R3HDM1: variants seen among roughly 807,000 people sequenced by gnomAD.
R3HDM1 encodes R3H domain containing 1, also known as R3H domain-containing protein 1.
R3HDM1 carries 46 observed loss-of-function variants against 141.1 expected under a neutral mutation model. That is an observed-to-expected ratio of 0.33 (90% CI 0.26 to 0.42). The LOEUF is 0.42. Among genes scored for constraint, R3HDM1 ranks in the 10% least tolerant of loss-of-function variants. The pLI, the probability that R3HDM1 is intolerant of heterozygous loss-of-function variation, is 1.00. For synonymous variants in R3HDM1, 435 were observed against 472.9 expected (o/e 0.92, Z 1.04); for missense variants, 1,184 against 1,368.3 (o/e 0.87, Z 2.12).
intron 1 of R3HDM1, among the ~76,000 whole-genome samples, chr2:135,538,571 T>C (rs1205455751): frequency 6.6e-6 from 1 of 152,244 alleles, no homozygotes. Context: ...TTTTTCTTTA[T>C]ATCCTTGCCC....
intron 18 of R3HDM1, among the ~76,000 whole-genome samples, chr2:135,653,448 C>T (rs550348346): frequency 6.6e-6 from 1 of 150,430 alleles, no homozygotes; most frequent in Non-Finnish European, 1.5e-5. Flanking sequence ...CTATAAATTT[C>T]TTTTTTTCTT....
intron 19 of R3HDM1, among the ~76,000 whole-genome samples, chr2:135,673,234 A>T (rs146146772): frequency 1.8e-4 from 27 of 152,372 alleles, no homozygotes; most frequent in Admixed American, 3.3e-4. Flanking sequence ...GGATTCATTG[A>T]GATGAGGAGC....
chr2:135,576,859 A>G (rs1404229878), intron 1 of R3HDM1: 1 of 160,026 alleles, frequency 6.2e-6, no homozygotes, highest in African/African-American at 2.4e-5. Context: ...AGTTTGGTCT[A>G]AAGAGGGGTG....
intron 1 of R3HDM1, among the ~76,000 whole-genome samples, chr2:135,600,784 G>A (rs939461838): frequency 5.9e-5 from 9 of 152,164 alleles, no homozygotes; most frequent in African/African-American, 2.2e-4. Flanking sequence ...TACTGGTTGT[G>A]TGACTTTGAA....
chr2:135,672,065 G>C (rs1368036836), intron 19 of R3HDM1, among the ~76,000 whole-genome samples: 1 of 151,518 alleles, frequency 6.6e-6, no homozygotes, highest in African/African-American at 2.4e-5. Flanking sequence ...TGTGGCATAA[G>C]AGAATGGACA....
At chr2:135,543,637 G>A (rs1698091287) in intron 1 of R3HDM1, among the ~76,000 whole-genome samples, 1 of 152,052 alleles carries the variant, frequency 6.6e-6, no homozygotes, top group Non-Finnish European at 1.5e-5. Flanking sequence ...GATAAACATT[G>A]CAAGTTTACA....
intron 24 of R3HDM1, among the ~76,000 whole-genome samples, chr2:135,718,850 T>A (rs2076415519): frequency 1.3e-5 from 2 of 152,092 alleles, no homozygotes; most frequent in Admixed American, 1.3e-4. Context: ...AAATTCCTTA[T>A]TAAATTTAGA....
intron 21 of R3HDM1, among the ~76,000 whole-genome samples, chr2:135,685,764 A>G (rs2071223739): frequency 6.6e-6 from 1 of 152,228 alleles, no homozygotes; most frequent in Non-Finnish European, 1.5e-5. Flanking sequence ...ATTAGGTGGC[A>G]TGATATGGTT....
intron 20 of R3HDM1, among the ~76,000 whole-genome samples, chr2:135,676,546 C>G (rs1166786117): frequency 6.6e-6 from 1 of 152,136 alleles, no homozygotes; most frequent in Non-Finnish European, 1.5e-5. Flanking sequence ...TGCAGTGGCT[C>G]GTGCCTGTAA....
At chr2:135,632,606 A>G (rs1176842689) in intron 9 of R3HDM1, among the ~76,000 whole-genome samples, 2 of 152,174 alleles carry the variant, frequency 1.3e-5, no homozygotes, top group African/African-American at 4.8e-5. Flanking sequence ...TTACTTGGGA[A>G]CAGAAGACCC....
At position 135,626,209 on chromosome 2, in the gene R3HDM1, G is replaced by GTGTGTGCTTGCTTGCTTGCTTGCTTGCT. The variant is rs1553576638; in HGVS notation, c.497+3479_497+3480insTGTGCTTGCTTGCTTGCTTGCTTGCTTG. Among the ~76,000 whole-genome samples the GTGTGTGCTTGCTTGCTTGCTTGCTTGCT allele has an allele frequency of 7.8e-3, 1,118 of 143,426 alleles. 6 individuals carry two copies. The highest frequency in any genetic ancestry group is 0.018 in the South Asian group (86 of 4,666). 94.1% of individuals were successfully genotyped at this position (143,426 alleles called of 152,430 possible). On this transcript the variant is annotated intron_variant, in intron 7 of 26. Coordinates refer to ENST00000683871, the MANE Select transcript of R3HDM1 (RefSeq NM_001378107.1). ...CGTGCGTGCGTGCGTGCGTGCGTGCGTGCTTGCTTGCTTGCTTGCTTGCTT... is the reference window on the plus strand; with the variant it reads ...CGTGCGTGCGTGCGTGCGTGCGTGCGTGTGTGCTTGCTTGCTTGCTTGCTTGCTTGCTTGCTTGCTTGCTTGCTTGCTT...
At chr2:135,532,385 G>A (rs954136422) in intron 1 of R3HDM1, among the ~76,000 whole-genome samples, 1 of 152,150 alleles carries the variant, frequency 6.6e-6, no homozygotes, top group Non-Finnish European at 1.5e-5. Context: ...TTTTGTTGCT[G>A]TGACTAGGTG....
At chr2:135,607,600 T>G (rs187830829) in intron 3 of R3HDM1, among the ~76,000 whole-genome samples, 2 of 152,358 alleles carry the variant, frequency 1.3e-5, no homozygotes, top group East Asian at 3.9e-4. Context: ...AAAATTCTAG[T>G]GCATTTGTGA....
At chr2:135,703,633 T>C (rs1575136750) in intron 21 of R3HDM1, among the ~76,000 whole-genome samples, 1 of 152,146 alleles carries the variant, frequency 6.6e-6, no homozygotes, top group South Asian at 2.1e-4. Context: ...AGTTTTTTTT[T>C]AATGGCTCAC....
intron 1 of R3HDM1, among the ~76,000 whole-genome samples, chr2:135,578,477 C>CT (rs1456257687): frequency 6.6e-6 from 1 of 152,150 alleles, no homozygotes; most frequent in Admixed American, 6.5e-5. Context: ...GACTTTGACT[C>CT]TCAGAACCCT....
intron 18 of R3HDM1, among the ~76,000 whole-genome samples, chr2:135,653,304 T>C (rs1162487951): frequency 6.6e-6 from 1 of 152,136 alleles, no homozygotes; most frequent in African/African-American, 2.4e-5. Context: ...TGCAGTGAGC[T>C]GAGATTGAGC....
intron 21 of R3HDM1, among the ~76,000 whole-genome samples, chr2:135,698,831 C>G (rs746030235): frequency 1.3e-5 from 2 of 152,070 alleles, no homozygotes; most frequent in Non-Finnish European, 2.9e-5. Context: ...CATGAGAACT[C>G]ACTGTACAGT....
intron 21 of R3HDM1, among the ~76,000 whole-genome samples, chr2:135,706,430 G>T (rs1444371253): frequency 2.6e-5 from 4 of 151,748 alleles, no homozygotes; most frequent in African/African-American, 9.7e-5. Flanking sequence ...CGCAGAGGGG[G>T]ATTTGGCAGG....
At chr2:135,695,955 C>CA (rs2073174358) in intron 21 of R3HDM1, among the ~76,000 whole-genome samples, 1 of 152,130 alleles carries the variant, frequency 6.6e-6, no homozygotes, top group Non-Finnish European at 1.5e-5. Flanking sequence ...GTCCTTCTGA[C>CA]AAGGGCTCGT....
Sources: allele counts gnomAD v4.1 joint callset (sites outside exome capture counted in the v4.1 genomes callset), GRCh38; gene constraint gnomAD v4.1.1; transcripts MANE v1.5; gene names NCBI Gene and HGNC (gene_info 2026-07-23, HGNC 2026-07-21).